Variants in MBP observed in about 807,000 individuals in gnomAD.
The protein encoded by MBP is Golli-MBP.
In MBP, 16 loss-of-function variants were observed where a neutral mutation model predicts 35.8. That is an observed-to-expected ratio of 0.45 (90% CI 0.30 to 0.68). The LOEUF (loss-of-function observed/expected upper bound fraction) is 0.68. MBP is among the 30% of genes least tolerant of loss of function. The pLI is 0.08. For synonymous variants in MBP, 143 were observed against 159.6 expected, an observed-to-expected ratio of 0.90 and a Z score of 0.78; for missense variants, 380 against 404.7, an observed-to-expected ratio of 0.94 and a Z score of 0.52.
intron 3 of MBP, among the ~76,000 whole-genome samples, chr18:77,052,870 C>T (rs915359104): frequency 5.9e-5 from 9 of 152,154 alleles, no homozygotes; most frequent in African/African-American, 1.2e-4. Flanking sequence ...GTATACCCCC[C>T]GGGTGGACTT....
At chr18:77,019,614 C>T (rs79284361) in intron 3 of MBP, among the ~76,000 whole-genome samples, 1,990 of 152,306 alleles carry the variant, frequency 0.013, 54 homozygotes, top group African/African-American at 0.046. Context: ...TAGTTTGAAG[C>T]CCCCAGCATA....
chr18:77,040,939 A>G (rs1206088698), intron 3 of MBP, among the ~76,000 whole-genome samples: 2 of 152,204 alleles, frequency 1.3e-5, no homozygotes, highest in Admixed American at 6.5e-5. Flanking sequence ...ATGGGATCTA[A>G]TTAAACTAAA....
In MBP at chr18:77,094,425, G is replaced by C. The variant is rs376605736; in HGVS notation, c.51+10786C>G. Among the ~76,000 whole-genome samples, 138 of 152,340 alleles carry C rather than the reference G, an allele frequency of 9.1e-4. 4 individuals carry two copies. The South Asian group carries it at 0.028, about 30-fold the overall frequency. ...GAGGCAGTCCACACAAGGTTCCGTTGCTCATAAGTGCCGGTTCCCGGACTC... is the reference window on the plus strand; with the variant it reads ...GAGGCAGTCCACACAAGGTTCCGTTCCTCATAAGTGCCGGTTCCCGGACTC... On this transcript the variant is annotated intron_variant, in intron 2 of 8. Coordinates refer to ENST00000355994, the MANE Select transcript of MBP (RefSeq NM_001025101.2).
chr18:77,131,039 A>C lies in MBP; in HGVS notation c.-26+1541T>G, dbSNP rs1369509855. Among the ~76,000 whole-genome samples, 5 of 151,184 alleles carry C rather than the reference A, an allele frequency of 3.3e-5. No homozygotes were observed. The highest frequency in any genetic ancestry group is 5.9e-5 in the Non-Finnish European group (4 of 67,854). ...TGTTTTTCCCACAAAAAAAAAAAAA[A>C]AACAAAACCTCAAAAAACAAAACAC... On this transcript the variant is annotated intron_variant, in intron 1 of 8. Coordinates refer to ENST00000355994, the MANE Select transcript of MBP (RefSeq NM_001025101.2). The surrounding 1 kb of genome is among the most constrained non-coding windows in gnomAD (Gnocchi z 5.5).
intron 1 of MBP, among the ~76,000 whole-genome samples, chr18:77,112,169 G>GCGCGCACACACA (rs370587502): frequency 2.0e-5 from 3 of 150,874 alleles, no homozygotes; most frequent in Non-Finnish European, 4.4e-5. Context: ...CCGTGCACAC[G>GCGCGCACACACA]CACACACACA....
In MBP at chr18:77,131,798, G is replaced by T. The variant is rs1977281512; in HGVS notation, c.-26+782C>A. On this transcript the variant is annotated intron_variant, in intron 1 of 8. Transcript: ENST00000355994. This position sits in a 1 kb window ranked among gnomAD's most constrained non-coding sequence, Gnocchi z 5.5. ...AACGGACGCACCCGGCCCAGGACAG[G>T]CAGTGGGGCCCAGGAGGGGACTGCC... The T allele has an allele frequency of 6.6e-6, 1 of 152,318 alleles. No homozygotes were observed. Among genetic ancestry groups the T allele is most frequent in the Non-Finnish European group, 1.5e-5 (1 of 68,166 alleles). The allele number at this position is 152,318 out of a possible 1,614,324, so 9.4% of individuals were successfully genotyped here.
Position 77,044,239 on chromosome 18 carries a change from T to C in MBP, c.139+22059A>G, listed in dbSNP as rs999565844. ...CACAGCAGCCTACTCCATGTCCCCCTGTGGATGCTGCAATGCCCAGCACCA... is the reference window on the plus strand; with the variant it reads ...CACAGCAGCCTACTCCATGTCCCCCCGTGGATGCTGCAATGCCCAGCACCA... On this transcript the variant is annotated intron_variant, in intron 3 of 8. Transcript: ENST00000355994. This position sits in a 1 kb window ranked among gnomAD's most constrained non-coding sequence, Gnocchi z 4.4. Among the ~76,000 whole-genome samples the C allele has an allele frequency of 6.6e-6, 1 of 152,130 alleles. No individual in the cohort carries two copies. Among genetic ancestry groups the C allele is most frequent in the Admixed American group, 6.5e-5 (1 of 15,274 alleles).
At chr18:77,110,920 G>T (rs1215886904) in intron 1 of MBP, among the ~76,000 whole-genome samples, 1 of 152,108 alleles carries the variant, frequency 6.6e-6, no homozygotes, top group Non-Finnish European at 1.5e-5. Context: ...CACCATGAAG[G>T]CATCTTTTTC....
At chr18:77,051,800 C>T (rs779337853) in intron 3 of MBP, among the ~76,000 whole-genome samples, 16 of 152,076 alleles carry the variant, frequency 1.1e-4, no homozygotes, top group Non-Finnish European at 2.1e-4. Context: ...GGGGTAGGAG[C>T]GTGAGTGGGG....
Position 76,984,878 on chromosome 18 carries a change from C to G in MBP, c.767G>C (p.Arg256Thr), listed in dbSNP as rs767944146. The G allele has an allele frequency of 1.2e-6, 2 of 1,613,616 alleles. No homozygotes were observed. Among genetic ancestry groups the G allele is most frequent in the Non-Finnish European group, 1.7e-6 (2 of 1,180,048 alleles). ...SRFSWGAEGQRPGFGYGGRAS... is the reference protein window; with the variant it reads ...SRFSWGAEGQTPGFGYGGRAS... ...TCTGCCTCCGTAGCCAAATCCTGGTCTCTGGCCTTCGGCCCCCTGCAAGAG... is the reference window on the plus strand; with the variant it reads ...TCTGCCTCCGTAGCCAAATCCTGGTGTCTGGCCTTCGGCCCCCTGCAAGAG... The change falls in exon 8 of 9, where the codon AGA (arginine) becomes ACA (threonine). Residue 256 changes from arginine to threonine, a missense_variant. Physicochemically the swap from Arg to Thr is moderately conservative, Grantham distance 71. Transcript: ENST00000355994.
At chr18:77,111,154 G>C (rs1406798170) in intron 1 of MBP, among the ~76,000 whole-genome samples, 2 of 152,142 alleles carry the variant, frequency 1.3e-5, no homozygotes, top group African/African-American at 2.4e-5. Flanking sequence ...ACACGCTGAA[G>C]ACACGACTCT....
At chr18:77,093,631 C>T (rs1287341460) in intron 2 of MBP, among the ~76,000 whole-genome samples, 1 of 152,136 alleles carries the variant, frequency 6.6e-6, no homozygotes, top group African/African-American at 2.4e-5. Flanking sequence ...GAATCTCCTC[C>T]AGAAGCAAAA....
chr18:77,104,611 G>A (rs1438435398), intron 2 of MBP, among the ~76,000 whole-genome samples: 1 of 152,194 alleles, frequency 6.6e-6, no homozygotes, highest in Non-Finnish European at 1.5e-5. Context: ...AGGTTTTTGA[G>A]CTAAAAGAAA....
chr18:77,081,764 A>ACACACACACACACACACACACACG, intron 2 of MBP, among the ~76,000 whole-genome samples: 2 of 106,450 alleles, frequency 1.9e-5, no homozygotes, highest in South Asian at 6.5e-4. Context: ...ATATATATAT[A>ACACACACACACACACACACACACG]TATACACACA....
In MBP at chr18:77,102,092, C is replaced by G. The variant is rs1976042603; in HGVS notation, c.51+3119G>C. Among the ~76,000 whole-genome samples the G allele has an allele frequency of 6.6e-6, 1 of 151,952 alleles. No homozygotes were observed. On this transcript the variant is annotated intron_variant, in intron 2 of 8. Transcript: ENST00000355994. This position sits in a 1 kb window ranked among gnomAD's most constrained non-coding sequence, Gnocchi z 4.4. ...GTATCAGAGCACTCAGCCGCAGGCTCTATGACAGCAGAGGAAAGAATCATC... is the reference window on the plus strand; with the variant it reads ...GTATCAGAGCACTCAGCCGCAGGCTGTATGACAGCAGAGGAAAGAATCATC...
intron 1 of MBP, among the ~76,000 whole-genome samples, chr18:77,119,024 G>A (rs1976804057): frequency 8.5e-6 from 1 of 118,206 alleles, no homozygotes; most frequent in Admixed American, 9.3e-5. Context: ...ACGCTGCCCG[G>A]CAGACACACT....
intron 4 of MBP, among the ~76,000 whole-genome samples, chr18:76,994,837 C>A (rs1433498852): frequency 6.6e-6 from 1 of 152,172 alleles, no homozygotes; most frequent in Non-Finnish European, 1.5e-5. Context: ...AGAACTGACA[C>A]TGGTCTTCAG....
intron 3 of MBP, among the ~76,000 whole-genome samples, chr18:77,027,926 C>T (rs942385039): frequency 2.1e-4 from 32 of 152,180 alleles, no homozygotes; most frequent in African/African-American, 7.2e-4. Context: ...CAGCCTCAAG[C>T]CATCCTCCTG....
chr18:77,067,742 C>T (rs1381376551), intron 2 of MBP: 2 of 464,964 alleles, frequency 4.3e-6, no homozygotes, highest in Non-Finnish European at 8.7e-6. Flanking sequence ...AAGTTTGTAC[C>T]AATTTTCCAC....
Sources: gnomAD v4.1 joint callset for allele counts (sites outside exome capture counted in the v4.1 genomes callset) on GRCh38, gnomAD v4.1.1 for gene constraint, Gnocchi (gnomAD v3.1) non-coding constraint, MANE v1.5 for transcripts, NCBI Gene and HGNC (gene_info 2026-07-23, HGNC 2026-07-21) for gene names.